The following BCAT2 variants were observed in gnomAD, a reference collection of about 807,000 sequenced individuals.
BCAT2 encodes branched chain amino acid transaminase 2.
Under a neutral mutation model 52.9 loss-of-function variants are expected in BCAT2, and 44 were observed. The observed-to-expected ratio is 0.83, with a 90% confidence interval of 0.65 to 1.07. The LOEUF (loss-of-function observed/expected upper bound fraction) is 1.07. Among genes scored for constraint, BCAT2 ranks in the 50% least tolerant of loss-of-function variants. BCAT2 has a pLI of 0.00. For missense variants in BCAT2, 478 were observed against 521.8 expected (o/e 0.92, Z 0.82); for synonymous variants, 215 against 217.1 (o/e 0.99, Z 0.08).
In BCAT2 at chr19:48,799,993, G is replaced by C; in HGVS notation, c.519C>G (p.Leu173=). 3 of 1,613,672 alleles carry C rather than the reference G, an allele frequency of 1.9e-6. No individual in the cohort carries two copies. The highest frequency in any genetic ancestry group is 2.5e-6 in the Non-Finnish European group (3 of 1,179,730). ...GAGTTGGGCCCACCTCGTTCCCAAT[G>C]AGCACAGGCCGCACATAGAGGCTGG... ...AGTSLYVRPV[L]IGNEPSLGVS... Residue 173 remains leucine, a synonymous_variant, in exon 5 of 11, where the codon CTC becomes CTG. Transcript: ENST00000316273. The surrounding 1 kb of genome is among the most constrained non-coding windows in gnomAD (Gnocchi z 5.5).
rs2034521031 is a variant in BCAT2, at chr19:48,796,464, C to G, written c.1104G>C (p.Leu368=). 6.2e-7 allele frequency: 1 copy of G among 1,614,078 alleles called. No homozygotes were observed. Among genetic ancestry groups the G allele is most frequent in the Non-Finnish European group, 8.5e-7 (1 of 1,180,016 alleles). The part of the protein sequence containing the change: ...HIPTMENGPE[L]ILRFQKELKE... ...TCAGCTCCTTCTGGAAGCGGAGGAT[C>G]AGCTCAGGCCCATTTTCCATGGTGG... Residue 368 remains leucine (L), a synonymous_variant, in exon 10 of 11, where the codon CTG becomes CTC. Transcript: ENST00000316273.
chr19:48,797,169 G>T (rs779042207), intron 7 of BCAT2, 22 bp downstream of exon 7: 16 of 1,613,054 alleles, frequency 9.9e-6, no homozygotes, highest in Non-Finnish European at 1.3e-5. Flanking sequence ...CAGGGTTCGG[G>T]CTGGGTCATG....
chr19:48,795,916 A>G (rs938778854), intron 10 of BCAT2: 3 of 259,662 alleles, frequency 1.2e-5, no homozygotes, highest in Non-Finnish European at 7.4e-6. Flanking sequence ...CAAGGTCCAG[A>G]GGCTCATGGG....
At chr19:48,810,688 T>TG in intron 1 of BCAT2, 1 of 881,180 alleles carries the variant, frequency 1.1e-6, no homozygotes, top group Non-Finnish European at 1.5e-6. Context: ...AATCACAACC[T>TG]CCCCACCCCC....
At chr19:48,802,885 T>C (rs2034687805) in intron 3 of BCAT2, among the ~76,000 whole-genome samples, 1 of 152,192 alleles carries the variant, frequency 6.6e-6, no homozygotes, top group Admixed American at 6.5e-5. Context: ...AAAAGCTCTT[T>C]AAGCTTTAAG....
In BCAT2 at chr19:48,799,730, C is replaced by T; in HGVS notation, c.640G>A (p.Asp214Asn). 6.3e-7 allele frequency: 1 copy of T among 1,594,860 alleles called. No homozygotes were observed. Among genetic ancestry groups the T allele is most frequent in the East Asian group, 2.3e-5 (1 of 44,184 alleles). Residue 214 changes from aspartate (D) to asparagine (N), a missense_variant, in exon 6 of 11, where the codon GAC (aspartate) becomes AAC (asparagine). By Grantham distance (23) the Asp-to-Asn change is conservative. Coordinates refer to ENST00000316273, the MANE Select transcript of BCAT2 (RefSeq NM_001190.4). The surrounding 1 kb of genome is among the most constrained non-coding windows in gnomAD (Gnocchi z 5.5). ...ACCCAGGCCCGGATGAAGGCTGGGT[C>T]GGCCAGGAGGGAGACCGGGGTCACG... The part of the protein sequence containing the change: ...GSVTPVSLLA[D>N]PAFIRAWVGG...
chr19:48,801,794 G>A (rs927292223), intron 3 of BCAT2, among the ~76,000 whole-genome samples: 2 of 151,890 alleles, frequency 1.3e-5, no homozygotes, highest in Admixed American at 6.6e-5. Flanking sequence ...CTACAACCAC[G>A]CCCGGCTAAT....
chr19:48,797,279 T>C lies in BCAT2; in HGVS notation c.750A>G (p.Glu250=). Residue 250 remains glutamate (E), a synonymous_variant, in exon 7 of 11, where the codon GAA becomes GAG. Transcript: ENST00000316273. ...CGGGCCCATACAGCCAGAGGACCTGTTCACAGCCCCGCTTGAGTGCCTCCT... is the reference window on the plus strand; with the variant it reads ...CGGGCCCATACAGCCAGAGGACCTGCTCACAGCCCCGCTTGAGTGCCTCCT... The part of the protein sequence containing the change: ...VQQEALKRGC[E]QVLWLYGPDH... The C allele has an allele frequency of 3.1e-6, 5 of 1,614,052 alleles. No individual in the cohort carries two copies. The highest frequency in any genetic ancestry group is 4.2e-6 in the Non-Finnish European group (5 of 1,179,982).
chr19:48,797,687 A>G, intron 6 of BCAT2: 1 of 267,058 alleles, frequency 3.7e-6, no homozygotes, highest in East Asian at 9.7e-5. Context: ...TGACCTGGTG[A>G]TCTGCCCGCC....
At chr19:48,805,513 A>G (rs943720582) in intron 3 of BCAT2, among the ~76,000 whole-genome samples, 44 of 151,708 alleles carry the variant, frequency 2.9e-4, no homozygotes, top group African/African-American at 1.0e-3. Flanking sequence ...CTCCTTAACC[A>G]TGCTCCAACA....
At chr19:48,795,773 CA>C in intron 10 of BCAT2, 2 of 423,934 alleles carry the variant, frequency 4.7e-6, no homozygotes, top group South Asian at 7.2e-5. Context: ...TCCTGATGCA[CA>C]AAAGTTTACA....
intron 3 of BCAT2, among the ~76,000 whole-genome samples, chr19:48,803,937 T>C (rs1568509579): frequency 1.3e-5 from 2 of 151,970 alleles, no homozygotes; most frequent in African/African-American, 4.8e-5. Flanking sequence ...AGGCGGTGGA[T>C]CATCTGAGGT....
Position 48,799,625 on chromosome 19 carries a change from T to C in BCAT2, c.695+50A>G, listed in dbSNP as rs1568506846. 6.7e-7 allele frequency: 1 copy of C among 1,502,830 alleles called. No individual in the cohort carries two copies. The highest frequency in any genetic ancestry group is 1.4e-5 in the South Asian group (1 of 72,718). 93.1% of individuals were successfully genotyped at this position (1,502,830 alleles called of 1,614,324 possible). ...GAAAGCACGCACGCTGGTCCCTGTG[T>C]CTCCAACGCCCAGTGCGCCAGTCGT... On this transcript the variant is annotated intron_variant, in intron 6 of 10. Coordinates refer to ENST00000316273, the MANE Select transcript of BCAT2 (RefSeq NM_001190.4). This position sits in a 1 kb window ranked among gnomAD's most constrained non-coding sequence, Gnocchi z 5.5.
intron 3 of BCAT2, among the ~76,000 whole-genome samples, chr19:48,801,197 G>C (rs1040584541): frequency 9.3e-5 from 14 of 150,980 alleles, no homozygotes; most frequent in African/African-American, 3.4e-4. Context: ...GCCTCCCAAA[G>C]TGCTAGGATT....
At chr19:48,795,661 G>A (rs1387384040) in intron 10 of BCAT2, among the ~76,000 whole-genome samples, 197 bp from the exon 11 acceptor site, 7 of 152,318 alleles carry the variant, frequency 4.6e-5, no homozygotes, top group African/African-American at 1.7e-4. Context: ...TCCGGGAGAT[G>A]TAGTTCTGAA....
At chr19:48,805,267 G>C (rs1435244369) in intron 3 of BCAT2, among the ~76,000 whole-genome samples, 5 of 152,094 alleles carry the variant, frequency 3.3e-5, no homozygotes, top group African/African-American at 4.8e-5. Flanking sequence ...AGGCTCACCA[G>C]GTGCCACAAA....
chr19:48,806,537 T>C lies in BCAT2; in HGVS notation c.280A>G (p.Ser94Gly). 6.2e-7 allele frequency: 1 copy of C among 1,613,954 alleles called. No homozygotes were observed. Among genetic ancestry groups the C allele is most frequent in the Admixed American group, 1.7e-5 (1 of 60,022 alleles). ...QNLTLHPASSSLHYSLQLFEG... is the reference protein window; with the variant it reads ...QNLTLHPASSGLHYSLQLFEG... ...GCCACCTGCAGGGAGTAGTGGAGGC[T>C]GGAGGAGGCTGGGTGCAGCGTGAGG... The change falls in exon 3 of 11, where the codon AGC becomes GGC. Residue 94 changes from serine (S) to glycine (G), a missense_variant. Coordinates refer to ENST00000316273, the MANE Select transcript of BCAT2 (RefSeq NM_001190.4).
In BCAT2 at chr19:48,797,186, C is replaced by A; in HGVS notation, c.838+5G>T. The A allele has an allele frequency of 6.2e-7, 1 of 1,613,582 alleles. No homozygotes were observed. ...GGGTTCGGGCTGGGTCATGGGTGGGCTTACCCCCATCTTCGTGGGTCCAGT... is the reference window on the plus strand; with the variant it reads ...GGGTTCGGGCTGGGTCATGGGTGGGATTACCCCCATCTTCGTGGGTCCAGT... On this transcript the variant is annotated splice_donor_5th_base_variant and intron_variant, in intron 7 of 10. Coordinates refer to ENST00000316273, the MANE Select transcript of BCAT2 (RefSeq NM_001190.4).
chr19:48,796,999 G>C lies in BCAT2; in HGVS notation c.862C>G (p.Leu288Val). The change falls in exon 8 of 11, where the codon CTG (leucine) becomes GTG (valine). Residue 288 changes from leucine (L) to valine (V), a missense_variant. Coordinates refer to ENST00000316273, the MANE Select transcript of BCAT2 (RefSeq NM_001190.4). ...ACTCCAGGCAGGATAACACCATTCA[G>C]CGGGGGCGTCACCAGCTCCAGCACT... ...DGVLELVTPPLNGVILPGVVR... is the reference protein window; with the variant it reads ...DGVLELVTPPVNGVILPGVVR... 1 of 1,614,210 alleles carries C rather than the reference G, an allele frequency of 6.2e-7. No homozygotes were observed.
Sources: gnomAD v4.1 joint callset for allele counts (sites outside exome capture counted in the v4.1 genomes callset) on GRCh38, gnomAD v4.1.1 for gene constraint, Gnocchi (gnomAD v3.1) non-coding constraint, MANE v1.5 for transcripts, NCBI Gene and HGNC (gene_info 2026-07-23, HGNC 2026-07-21) for gene names.